Variants in UGGT2 observed in about 807,000 individuals in gnomAD.
UGGT2 encodes the protein UDP-glucose:glycoprotein glucosyltransferase 2.
In UGGT2, 180 loss-of-function variants were observed where a neutral mutation model predicts 192.1. The ratio of observed to expected loss-of-function variants is 0.94; its 90% confidence interval spans 0.83 to 1.06. The LOEUF (loss-of-function observed/expected upper bound fraction) is 1.06. Among genes scored for constraint, UGGT2 ranks in the 50% least tolerant of loss-of-function variants. The probability of loss-of-function intolerance (pLI) is 0.00; values close to 1 mark genes in which losing one functional copy is unlikely to be tolerated. For synonymous variants in UGGT2, 580 were observed against 591.0 expected (o/e 0.98, Z 0.27); for missense variants, 1,849 against 1,795.7 (o/e 1.03, Z -0.54).
intron 15 of UGGT2, among the ~76,000 whole-genome samples, chr13:95,946,533 A>AT (rs1386126281): frequency 6.6e-6 from 1 of 151,688 alleles, no homozygotes; most frequent in Non-Finnish European, 1.5e-5. Context: ...TGCACCTGGA[A>AT]TTTTTTATTT....
chr13:95,838,611 A>G (rs1330508857), intron 36 of UGGT2, among the ~76,000 whole-genome samples: 1 of 152,186 alleles, frequency 6.6e-6, no homozygotes, highest in Admixed American at 6.5e-5. Context: ...CATCAATGGA[A>G]CACAATAAAG....
chr13:95,868,098 GA>G (rs1890844931), intron 29 of UGGT2, among the ~76,000 whole-genome samples: 1 of 152,174 alleles, frequency 6.6e-6, no homozygotes, highest in Non-Finnish European at 1.5e-5. Context: ...TGTTGAAGGG[GA>G]AGCAATCAGA....
chr13:96,025,554 T>C (rs1287624250), intron 2 of UGGT2, among the ~76,000 whole-genome samples: 1 of 152,224 alleles, frequency 6.6e-6, no homozygotes, highest in Admixed American at 6.5e-5. Flanking sequence ...TTTAGTTCAA[T>C]AGGTCCTGGC....
rs891382329 is a variant in UGGT2 at position 95,985,181 on chromosome 13, T to G, written c.1031+1152A>C. ...TTTATTTGTATTTGATCTAATAATT[T>G]TTATAACGGCCATTAATTAAAATAT... On this transcript the variant is annotated intron_variant, in intron 9 of 38. Transcript: ENST00000376747. 3 of 834,000 alleles carry G rather than the reference T, an allele frequency of 3.6e-6. No homozygotes were observed. In the African/African-American group the frequency reaches 5.5e-5, roughly 15 times the overall value. The allele number at this position is 834,000 out of a possible 1,614,324, so 51.7% of individuals were successfully genotyped here. A position where few individuals can be genotyped will look rare whatever the true frequency, so the allele number is the denominator to read the frequency against.
chr13:96,040,409 T>C (rs945023151), intron 1 of UGGT2, among the ~76,000 whole-genome samples: 4 of 152,130 alleles, frequency 2.6e-5, no homozygotes, highest in African/African-American at 9.7e-5. Flanking sequence ...TCTGCTTCTG[T>C]CTCTTAAAAT....
At chr13:95,986,708 C>T (rs1028322943) in intron 8 of UGGT2, among the ~76,000 whole-genome samples, 2 of 151,998 alleles carry the variant, frequency 1.3e-5, no homozygotes, top group Admixed American at 6.6e-5. Context: ...GAAATGCTCT[C>T]GCAAAGCTTT....
intron 20 of UGGT2, among the ~76,000 whole-genome samples, chr13:95,915,161 A>C (rs974224859): frequency 6.6e-6 from 1 of 152,094 alleles, no homozygotes; most frequent in Non-Finnish European, 1.5e-5. Flanking sequence ...CTCTGGTGGG[A>C]ATATATTTTC....
chr13:95,974,532 C>T (rs924101992), intron 10 of UGGT2, among the ~76,000 whole-genome samples: 6 of 152,178 alleles, frequency 3.9e-5, no homozygotes, highest in Non-Finnish European at 8.8e-5. Flanking sequence ...AGGTAACAGA[C>T]TGAACTCAGC....
intron 29 of UGGT2, among the ~76,000 whole-genome samples, chr13:95,875,264 C>T (rs1330688847): frequency 1.3e-5 from 2 of 152,084 alleles, no homozygotes; most frequent in Non-Finnish European, 2.9e-5. Context: ...AAGTCTTTTG[C>T]ACATTTTCTT....
At chr13:95,915,769 C>A (rs1377435589) in intron 20 of UGGT2, among the ~76,000 whole-genome samples, 1 of 152,198 alleles carries the variant, frequency 6.6e-6, no homozygotes, top group Non-Finnish European at 1.5e-5. Context: ...CAGAGCATAG[C>A]TGCTCTATCC....
intron 15 of UGGT2, among the ~76,000 whole-genome samples, chr13:95,943,347 T>C (rs2049754369): frequency 1.3e-5 from 2 of 152,164 alleles, no homozygotes; most frequent in Admixed American, 6.5e-5. Flanking sequence ...TTTTCATTCA[T>C]TTAGGTAAAC....
chr13:95,808,645 A>G (rs920302194), intron 38 of UGGT2, among the ~76,000 whole-genome samples: 1 of 152,206 alleles, frequency 6.6e-6, no homozygotes, highest in African/African-American at 2.4e-5. Flanking sequence ...GTGACTTTCC[A>G]GCTTAATATC....
intron 29 of UGGT2, among the ~76,000 whole-genome samples, chr13:95,874,276 G>A (rs1161994088): frequency 6.6e-6 from 1 of 152,122 alleles, no homozygotes; most frequent in Non-Finnish European, 1.5e-5. Context: ...TGAAACCATG[G>A]ATAGTACCGA....
At chr13:95,914,392 A>G (rs2048609662) in intron 20 of UGGT2, among the ~76,000 whole-genome samples, 1 of 152,082 alleles carries the variant, frequency 6.6e-6, no homozygotes, top group Non-Finnish European at 1.5e-5. Context: ...AGAATTAAAG[A>G]TTTGTCAATT....
rs775222627 is a variant in UGGT2, at chr13:95,970,224, T to C, written c.1223A>G (p.Asn408Ser). Residue 408 changes from asparagine (N) to serine (S), a missense_variant, in exon 12 of 39, where the codon AAT becomes AGT. Physicochemically the swap from Asn to Ser is conservative, Grantham distance 46. Coordinates refer to ENST00000376747, the MANE Select transcript of UGGT2 (RefSeq NM_020121.4). ...ATTGATCCCAAGATTGCGAAGGCCA[T>C]TCATCATTTTTCCTTCTAATTTCAG... ...DMLKLEGKMM[N>S]GLRNLGINGE... 5.0e-6 allele frequency: 8 copies of C among 1,612,914 alleles called. No homozygotes were observed. Among genetic ancestry groups the C allele is most frequent in the African/African-American group, 2.7e-5 (2 of 74,896 alleles).
intron 4 of UGGT2, among the ~76,000 whole-genome samples, chr13:96,022,716 T>C (rs1264724126): frequency 6.6e-6 from 1 of 152,008 alleles, no homozygotes; most frequent in Non-Finnish European, 1.5e-5. Context: ...TTGATTACTT[T>C]GTTATTCCCC....
intron 25 of UGGT2, among the ~76,000 whole-genome samples, chr13:95,889,444 A>T (rs531496235): frequency 2.2e-4 from 33 of 152,256 alleles, no homozygotes; most frequent in Admixed American, 2.1e-3. Context: ...AAAAAATTGC[A>T]TTTTGAAATT....
At chr13:95,879,783 G>A (rs751048452) in intron 27 of UGGT2, among the ~76,000 whole-genome samples, 2 of 152,040 alleles carry the variant, frequency 1.3e-5, no homozygotes, top group Non-Finnish European at 2.9e-5. Context: ...GATCTTTTTT[G>A]ATGCTTATGT....
chr13:95,958,312 C>T (rs1440361874), intron 12 of UGGT2, among the ~76,000 whole-genome samples: 1 of 152,028 alleles, frequency 6.6e-6, no homozygotes, highest in Non-Finnish European at 1.5e-5. Flanking sequence ...CCACCATGCC[C>T]GGCTAATTTT....
Sources: allele counts gnomAD v4.1 joint callset (sites outside exome capture counted in the v4.1 genomes callset), GRCh38; gene constraint gnomAD v4.1.1; transcripts MANE v1.5; gene names NCBI Gene and HGNC (gene_info 2026-07-23, HGNC 2026-07-21).